Variants in LRRIQ1 observed in about 807,000 individuals in gnomAD.
The protein encoded by LRRIQ1 is leucine-rich repeat- and IQ domain-containing protein 1.
Under a neutral mutation model 211.9 loss-of-function variants are expected in LRRIQ1, and 210 were observed. That is an observed-to-expected ratio of 0.99 (90% CI 0.89 to 1.11). LRRIQ1 has a LOEUF of 1.11. Among genes scored for constraint, LRRIQ1 ranks in the 50% most tolerant of loss-of-function variants. The pLI is 0.00. For synonymous variants in LRRIQ1, 699 were observed against 650.1 expected (o/e 1.08, Z -1.14); for missense variants, 2,136 against 1,939.5 (o/e 1.10, Z -1.90).
chr12:85,047,526 T>C (rs758970472), intron 6 of LRRIQ1, 56 bp downstream of exon 6: 2 of 1,407,602 alleles, frequency 1.4e-6, no homozygotes, highest in African/African-American at 1.4e-5. Flanking sequence ...CTCTGAAGAA[T>C]ATTGATATTT....
intron 13 of LRRIQ1, among the ~76,000 whole-genome samples, chr12:85,102,204 A>T (rs560403335): frequency 6.6e-6 from 1 of 151,750 alleles, no homozygotes; most frequent in East Asian, 1.9e-4. Context: ...TTGAGACTTA[A>T]ACCCACTAAT....
chr12:85,120,696 C>T (rs1280050933), intron 15 of LRRIQ1, among the ~76,000 whole-genome samples: 3 of 152,154 alleles, frequency 2.0e-5, no homozygotes, highest in African/African-American at 7.2e-5. Flanking sequence ...TTATTTAGTT[C>T]ATCTTGGATA....
At chr12:85,078,993 T>A (rs1343478754) in intron 11 of LRRIQ1, among the ~76,000 whole-genome samples, 1 of 152,170 alleles carries the variant, frequency 6.6e-6, no homozygotes, top group Non-Finnish European at 1.5e-5. Context: ...CTTTAATGTC[T>A]GACTTAACAC....
At chr12:85,104,353 TG>T (rs540958515) in intron 14 of LRRIQ1, among the ~76,000 whole-genome samples, 1 of 151,904 alleles carries the variant, frequency 6.6e-6, no homozygotes, top group Non-Finnish European at 1.5e-5. Flanking sequence ...CTAATGAAGA[TG>T]AGCAAACAGT....
At chr12:85,210,196 A>C in intron 24 of LRRIQ1, among the ~76,000 whole-genome samples, 1 of 152,286 alleles carries the variant, frequency 6.6e-6, no homozygotes, top group Middle Eastern at 3.4e-3. Context: ...CAGTCCTAGG[A>C]TATTATGTAT....
At chr12:85,059,484 G>C (rs550325091) in intron 8 of LRRIQ1, among the ~76,000 whole-genome samples, 6 of 151,972 alleles carry the variant, frequency 3.9e-5, no homozygotes, top group Non-Finnish European at 7.4e-5. Flanking sequence ...GCTCCCTGCC[G>C]TTGCCTGACA....
chr12:85,157,106 ATTAAT>A (rs1890594450), intron 23 of LRRIQ1, among the ~76,000 whole-genome samples: 1 of 151,942 alleles, frequency 6.6e-6, no homozygotes, highest in Non-Finnish European at 1.5e-5. Context: ...CAGAGGGTCA[ATTAAT>A]TTAAGAAAGT....
intron 26 of LRRIQ1, among the ~76,000 whole-genome samples, chr12:85,237,173 C>T (rs746538109): frequency 4.0e-5 from 6 of 151,898 alleles, no homozygotes; most frequent in African/African-American, 7.3e-5. Flanking sequence ...TGAAGAAAAA[C>T]GTTTTTATAA....
chr12:85,197,342 G>T (rs980633332), intron 24 of LRRIQ1, among the ~76,000 whole-genome samples: 12 of 151,786 alleles, frequency 7.9e-5, no homozygotes, highest in African/African-American at 2.4e-4. Context: ...ATACCCAAAG[G>T]ACTATAAATC....
chr12:85,232,843 C>CTG, intron 26 of LRRIQ1, 87 bp downstream of exon 26: 1 of 878,876 alleles, frequency 1.1e-6, no homozygotes. Flanking sequence ...TATAATTAAA[C>CTG]TATGAAAATA....
chr12:85,044,914 ATTAAAAATT>A, intron 4 of LRRIQ1, 105 bp downstream of exon 4: 2 of 465,226 alleles, frequency 4.3e-6, no homozygotes, highest in Admixed American at 8.0e-5. Flanking sequence ...TGATTTAAAT[ATTAAAAATT>A]TAATTATTCT....
intron 24 of LRRIQ1, among the ~76,000 whole-genome samples, chr12:85,162,962 C>T (rs534497985): frequency 1.3e-5 from 2 of 152,070 alleles, no homozygotes; most frequent in African/African-American, 4.8e-5. Context: ...TTATTCTTGT[C>T]CCTCTTTTTA....
chr12:85,222,387 G>T (rs1894443840), intron 24 of LRRIQ1, among the ~76,000 whole-genome samples: 1 of 152,110 alleles, frequency 6.6e-6, no homozygotes, highest in Non-Finnish European at 1.5e-5. Flanking sequence ...CTGGGGTTTA[G>T]CCAAAGGATT....
At chr12:85,118,079 T>C (rs1259816485) in intron 15 of LRRIQ1, among the ~76,000 whole-genome samples, 2 of 152,180 alleles carry the variant, frequency 1.3e-5, no homozygotes, top group Non-Finnish European at 2.9e-5. Context: ...TGATTATCTC[T>C]GATTATCTCC....
chr12:85,046,196 T>C (rs1272214279), intron 5 of LRRIQ1, 59 bp downstream of exon 5: 1 of 1,002,950 alleles, frequency 1.0e-6, no homozygotes, highest in African/African-American at 1.6e-5. Context: ...TCATAGTTAT[T>C]TAAAAAAAAT....
chr12:85,163,887 TTTAAC>T (rs1397287761), intron 24 of LRRIQ1, among the ~76,000 whole-genome samples: 5 of 152,154 alleles, frequency 3.3e-5, no homozygotes, highest in Non-Finnish European at 7.4e-5. Context: ...GATTTAGATC[TTTAAC>T]TTAATCAAGT....
intron 19 of LRRIQ1, among the ~76,000 whole-genome samples, chr12:85,139,468 AAAT>A (rs1183772400): frequency 2.0e-5 from 3 of 151,488 alleles, no homozygotes; most frequent in Non-Finnish European, 3.0e-5. Context: ...TGCAAGAGGT[AAAT>A]ATAGTCTTAT....
At chr12:85,196,363 C>T (rs972988974) in intron 24 of LRRIQ1, among the ~76,000 whole-genome samples, 1 of 152,078 alleles carries the variant, frequency 6.6e-6, no homozygotes, top group Non-Finnish European at 1.5e-5. Flanking sequence ...GAGCCCACAT[C>T]GCCAAGTCAA....
chr12:85,179,429 A>G (rs1222114028), intron 24 of LRRIQ1, among the ~76,000 whole-genome samples: 1 of 151,976 alleles, frequency 6.6e-6, no homozygotes, highest in Non-Finnish European at 1.5e-5. Context: ...CAAGATTGAG[A>G]GATGTGTAGA....
Sources: allele counts gnomAD v4.1 joint callset (sites outside exome capture counted in the v4.1 genomes callset), GRCh38; gene constraint gnomAD v4.1.1; transcripts MANE v1.5; gene names NCBI Gene and HGNC (gene_info 2026-07-23, HGNC 2026-07-21).